CCSER1: variants seen among roughly 807,000 people sequenced by gnomAD.
CCSER1 encodes the protein serine-rich coiled-coil domain-containing protein 1.
CCSER1 carries 41 observed loss-of-function variants against 82.0 expected under a neutral mutation model. The ratio of observed to expected loss-of-function variants is 0.50; its 90% CI spans 0.39 to 0.65. The LOEUF (loss-of-function observed/expected upper bound fraction) is 0.65. CCSER1 is among the 30% of genes least tolerant of loss of function. The probability of loss-of-function intolerance (pLI) is 0.00; values close to 1 mark genes in which losing one functional copy is unlikely to be tolerated. For synonymous variants in CCSER1, 414 were observed against 383.9 expected (o/e 1.08, Z -0.92); for missense variants, 1,119 against 1,064.2 (o/e 1.05, Z -0.72).
rs182583322 is a variant in CCSER1 at position 90,685,327 on chromosome 4, T to G, written c.1933-38587T>G. 7.9e-5 allele frequency among the ~76,000 whole-genome samples: 12 copies of G among 152,268 alleles called. No homozygotes were observed. The East Asian group carries it at 2.3e-3, about 29-fold the overall frequency. ...AAAGAGGAACTGCCACTCTGTTTTC[T>G]TCTTGGAATCAAGGAAATTTTCCTG... is the stretch of plus-strand genomic sequence containing the variant. On this transcript the variant is annotated intron_variant, in intron 6 of 10. Transcript: ENST00000509176.
intron 10 of CCSER1, among the ~76,000 whole-genome samples, chr4:91,200,881 T>C (rs2149066484): frequency 6.6e-6 from 1 of 152,192 alleles, no homozygotes; most frequent in Non-Finnish European, 1.5e-5. Flanking sequence ...AAATGATGCA[T>C]ATTTCATAAA....
At chr4:90,239,195 A>G (rs1746378607) in intron 1 of CCSER1, among the ~76,000 whole-genome samples, 1 of 152,168 alleles carries the variant, frequency 6.6e-6, no homozygotes, top group Non-Finnish European at 1.5e-5. Context: ...GTAGTTGTTT[A>G]ACATGATTAA....
intron 10 of CCSER1, among the ~76,000 whole-genome samples, chr4:91,136,343 G>A (rs1422322698): frequency 6.6e-6 from 1 of 152,114 alleles, no homozygotes; most frequent in Non-Finnish European, 1.5e-5. Flanking sequence ...AAAGATGTGT[G>A]GACTGACAGT....
intron 10 of CCSER1, among the ~76,000 whole-genome samples, chr4:91,255,321 G>A (rs942868816): frequency 6.6e-6 from 1 of 152,096 alleles, no homozygotes; most frequent in African/African-American, 2.4e-5. Context: ...TGTATTAAAA[G>A]TGCTTACAAT....
intron 9 of CCSER1, among the ~76,000 whole-genome samples, chr4:91,001,374 A>G (rs1222421478): frequency 6.6e-6 from 1 of 151,938 alleles, no homozygotes; most frequent in African/African-American, 2.4e-5. Flanking sequence ...GTTTTCTTTT[A>G]TCATTGTATC....
rs182141055 is a variant in CCSER1, at chr4:91,407,390, T to G, written c.2218-191182T>G. On this transcript the variant is annotated intron_variant, in intron 10 of 10. Transcript: ENST00000509176. ...TTTATACGCATCCTGTACCCGGGGT[T>G]GAAATGAACTCTTTACAAATAAGTT... Among the ~76,000 whole-genome samples the G allele has an allele frequency of 3.1e-3, 471 of 152,262 alleles. 13 individuals are homozygous for G. The highest frequency in any genetic ancestry group is 0.028 in the Admixed American group (424 of 15,286).
chr4:90,550,447 A>C (rs759310374), intron 5 of CCSER1, among the ~76,000 whole-genome samples: 23 of 152,146 alleles, frequency 1.5e-4, no homozygotes, highest in Non-Finnish European at 3.2e-4. Context: ...ATTTAGCCAA[A>C]TATTTCAAGA....
chr4:91,446,954 G>A (rs1755606261), intron 10 of CCSER1, among the ~76,000 whole-genome samples: 4 of 152,018 alleles, frequency 2.6e-5, no homozygotes, highest in East Asian at 1.9e-4. Flanking sequence ...GAGATGGAGT[G>A]TTATAGGAAG....
intron 7 of CCSER1, among the ~76,000 whole-genome samples, chr4:90,800,906 CA>C (rs978316299): frequency 1.3e-5 from 2 of 151,650 alleles, no homozygotes; most frequent in African/African-American, 4.8e-5. Flanking sequence ...TTGGATCAAA[CA>C]AAAAAATAAG....
intron 7 of CCSER1, among the ~76,000 whole-genome samples, chr4:90,738,062 T>A (rs1297480578): frequency 1.3e-5 from 2 of 152,236 alleles, no homozygotes; most frequent in African/African-American, 4.8e-5. Flanking sequence ...GTTTGAAAGA[T>A]CACATATCTC....
At chr4:90,457,974 G>C (rs1003649751) in intron 4 of CCSER1, among the ~76,000 whole-genome samples, 1 of 152,190 alleles carries the variant, frequency 6.6e-6, no homozygotes, top group Non-Finnish European at 1.5e-5. Context: ...CAGGGTTCTG[G>C]TGTGTCGGTG....
chr4:90,183,897 T>A (rs1266984406), intron 1 of CCSER1, among the ~76,000 whole-genome samples: 1 of 152,128 alleles, frequency 6.6e-6, no homozygotes, highest in Non-Finnish European at 1.5e-5. Flanking sequence ...ATACAATAAG[T>A]TGTCAGCTAA....
intron 4 of CCSER1, among the ~76,000 whole-genome samples, chr4:90,464,454 C>T (rs1476629122): frequency 1.3e-5 from 2 of 152,170 alleles, no homozygotes; most frequent in African/African-American, 2.4e-5. Context: ...AGGTACAGTT[C>T]CAGTAGTTGT....
At chr4:90,960,618 G>A (rs984949746) in intron 9 of CCSER1, among the ~76,000 whole-genome samples, 3 of 152,082 alleles carry the variant, frequency 2.0e-5, no homozygotes, top group Admixed American at 1.3e-4. Flanking sequence ...ACTTCTCTGT[G>A]AACTAAATGC....
At chr4:91,342,294 C>T (rs1325023706) in intron 10 of CCSER1, among the ~76,000 whole-genome samples, 1 of 152,172 alleles carries the variant, frequency 6.6e-6, no homozygotes, top group Non-Finnish European at 1.5e-5. Flanking sequence ...CCCAGATAGC[C>T]TGATCTAAAG....
chr4:91,484,611 A>G (rs1315331021), intron 10 of CCSER1, among the ~76,000 whole-genome samples: 2 of 152,198 alleles, frequency 1.3e-5, no homozygotes, highest in African/African-American at 2.4e-5. Context: ...TATGATTTAT[A>G]TAATTTATGA....
At chr4:90,844,320 A>G (rs966882629) in intron 8 of CCSER1, among the ~76,000 whole-genome samples, 11 of 152,168 alleles carry the variant, frequency 7.2e-5, no homozygotes, top group African/African-American at 2.2e-4. Context: ...ATGTTAAAAA[A>G]TAATATCTAA....
chr4:90,179,868 T>G (rs1002738774), intron 1 of CCSER1, among the ~76,000 whole-genome samples: 1 of 152,190 alleles, frequency 6.6e-6, no homozygotes, highest in African/African-American at 2.4e-5. Context: ...TTCATGGTTT[T>G]GTTTCTATGC....
At chr4:90,623,248 A>C (rs1209480959) in intron 5 of CCSER1, among the ~76,000 whole-genome samples, 2 of 151,576 alleles carry the variant, frequency 1.3e-5, no homozygotes, top group Non-Finnish European at 2.9e-5. Flanking sequence ...GTTAACCTGG[A>C]TGGTCTCGAT....
Sources: allele counts gnomAD v4.1 joint callset (sites outside exome capture counted in the v4.1 genomes callset), GRCh38; gene constraint gnomAD v4.1.1; transcripts MANE v1.5; gene names NCBI Gene and HGNC (gene_info 2026-07-23, HGNC 2026-07-21).